Variants in OXCT1 observed in about 807,000 individuals in gnomAD.
OXCT1 encodes succinyl-CoA:3-ketoacid coenzyme A transferase 1, mitochondrial.
Under a neutral mutation model 69.6 loss-of-function variants are expected in OXCT1, and 27 were observed. The observed-to-expected ratio is 0.39, with a 90% CI of 0.29 to 0.54. The LOEUF is 0.54. Among genes scored for constraint, OXCT1 ranks in the 20% least tolerant of loss-of-function variants. The probability of loss-of-function intolerance (pLI) is 0.72; values close to 1 mark genes in which losing one functional copy is unlikely to be tolerated. For missense variants in OXCT1, 437 were observed against 650.2 expected (o/e 0.67, Z 3.57); for synonymous variants, 202 against 217.8 (o/e 0.93, Z 0.64).
intron 7 of OXCT1, among the ~76,000 whole-genome samples, chr5:41,826,149 G>GT (rs1397973174): frequency 6.6e-6 from 1 of 152,166 alleles, no homozygotes; most frequent in African/African-American, 2.4e-5. Flanking sequence ...TTTGCTTGAT[G>GT]TAAGGTATCA....
At chr5:41,742,640 A>T (rs1367778685) in intron 15 of OXCT1, among the ~76,000 whole-genome samples, 1 of 86,314 alleles carries the variant, frequency 1.2e-5, no homozygotes, top group African/African-American at 4.5e-5. Flanking sequence ...CCTGCCCCCC[A>T]CCCCACAACA....
intron 16 of OXCT1, among the ~76,000 whole-genome samples, chr5:41,738,387 T>C (rs1742995128): frequency 6.6e-6 from 1 of 152,162 alleles, no homozygotes; most frequent in South Asian, 2.1e-4. Flanking sequence ...GGGGTGGGTT[T>C]TTCACATGCT....
intron 6 of OXCT1, among the ~76,000 whole-genome samples, chr5:41,841,301 T>C (rs546985513): frequency 1.6e-4 from 25 of 152,266 alleles, no homozygotes; most frequent in African/African-American, 5.1e-4. Flanking sequence ...TTTGCTCAGA[T>C]TGAAGAATGA....
At chr5:41,792,889 A>G (rs1200953635) in intron 13 of OXCT1, among the ~76,000 whole-genome samples, 2 of 152,234 alleles carry the variant, frequency 1.3e-5, no homozygotes, top group African/African-American at 4.8e-5. Context: ...TGTCCAGGCT[A>G]CATCCCAGAT....
intron 7 of OXCT1, among the ~76,000 whole-genome samples, chr5:41,823,489 G>C (rs1003072039): frequency 6.6e-6 from 1 of 152,146 alleles, no homozygotes; most frequent in Non-Finnish European, 1.5e-5. Context: ...TGGTTCCCAT[G>C]GAGATTTCTG....
rs1188763654 is a variant in OXCT1, at chr5:41,842,779, C to T, written c.567G>A (p.Val189=). The change falls in exon 6 of 17, where the codon GTG becomes GTA. Residue 189 remains valine (V), a splice_region_variant and synonymous_variant. Transcript: ENST00000196371. ...SVAIASKPRE[V]REFNGQHFIL... ...TAAAGTGCTGACCATTGAACTCCCT[C>T]ACCTGCAGAAGAGGGAGAAGGCATC... The T allele has an allele frequency of 6.2e-7, 1 of 1,604,558 alleles. No individual in the cohort carries two copies. The highest frequency in any genetic ancestry group is 1.3e-5 in the African/African-American group (1 of 74,836).
chr5:41,832,324 G>A (rs1048913955), intron 7 of OXCT1, among the ~76,000 whole-genome samples: 7 of 147,848 alleles, frequency 4.7e-5, no homozygotes, highest in Admixed American at 1.4e-4. Flanking sequence ...AGTTCCAGGC[G>A]GTTCAGCACA....
intron 3 of OXCT1, among the ~76,000 whole-genome samples, chr5:41,855,522 T>C (rs1749388765): frequency 6.6e-6 from 1 of 152,158 alleles, no homozygotes; most frequent in South Asian, 2.1e-4. Context: ...CCCTCCTAAT[T>C]CCTTTAGTGC....
chr5:41,765,606 A>G (rs935465795), intron 13 of OXCT1, among the ~76,000 whole-genome samples: 2 of 152,162 alleles, frequency 1.3e-5, no homozygotes, highest in Non-Finnish European at 2.9e-5. Flanking sequence ...TGCACAACAG[A>G]AGGGGATCTG....
Position 41,749,614 on chromosome 5 carries a change from TA to T in OXCT1, c.1339-8del. On this transcript the variant is annotated splice_region_variant and splice_polypyrimidine_tract_variant and intron_variant, in intron 14 of 16. Transcript: ENST00000196371. ...TGATTTTATGTGCATTTCCCTGTTT[TA>T]AAAAGAAAACATCAAAAAGAGTAGT... is the stretch of plus-strand genomic sequence containing the variant. 1 of 1,587,168 alleles carries T rather than the reference TA, an allele frequency of 6.3e-7. No homozygotes were observed.
Position 41,805,553 on chromosome 5 carries a change from A to T in OXCT1, c.955+14T>A, listed in dbSNP as rs1190154712. The T allele has an allele frequency of 6.4e-7, 1 of 1,566,214 alleles. No individual in the cohort carries two copies. Among genetic ancestry groups the T allele is most frequent in the Non-Finnish European group, 8.8e-7 (1 of 1,136,818 alleles). On this transcript the variant is annotated intron_variant, in intron 9 of 16. Transcript: ENST00000196371. ...GGCTATGTCTTTGCCCGGGCTCAGAAGGATAAAGGATACCATACATGCCAT... is the reference window on the plus strand; with the variant it reads ...GGCTATGTCTTTGCCCGGGCTCAGATGGATAAAGGATACCATACATGCCAT...
At chr5:41,848,800 C>T (rs1325514064) in intron 5 of OXCT1, among the ~76,000 whole-genome samples, 4 of 152,074 alleles carry the variant, frequency 2.6e-5, no homozygotes, top group Non-Finnish European at 5.9e-5. Context: ...GGATTAAAGA[C>T]TTAAACGTTA....
At chr5:41,800,940 A>G in intron 11 of OXCT1, 82 bp downstream of exon 11, 3 of 1,218,328 alleles carry the variant, frequency 2.5e-6, no homozygotes, top group Non-Finnish European at 3.7e-6. Context: ...TCTCCAGGAA[A>G]AGACAAAGAA....
intron 3 of OXCT1, 72 bp from the exon 4 acceptor site, chr5:41,853,626 A>G (rs754760805): frequency 1.3e-6 from 2 of 1,488,066 alleles, no homozygotes; most frequent in South Asian, 1.2e-5. Context: ...TAAAGAGATA[A>G]AACTTTGTTA....
At chr5:41,844,913 T>C (rs2112418105) in intron 5 of OXCT1, among the ~76,000 whole-genome samples, 1 of 142,880 alleles carries the variant, frequency 7.0e-6, no homozygotes, top group East Asian at 2.0e-4. Flanking sequence ...CTAAACCCTC[T>C]CTCGCTGCTT....
At chr5:41,789,457 C>A (rs143501482) in intron 13 of OXCT1, among the ~76,000 whole-genome samples, 39 of 152,224 alleles carry the variant, frequency 2.6e-4, no homozygotes, top group Admixed American at 1.4e-3. Context: ...TATGCCAGAT[C>A]AATACATGTT....
At chr5:41,741,999 CT>C (rs1170126848) in intron 15 of OXCT1, among the ~76,000 whole-genome samples, 1 of 152,014 alleles carries the variant, frequency 6.6e-6, no homozygotes, top group East Asian at 1.9e-4. Context: ...TTCTGAACAA[CT>C]GTCAATTTAT....
At chr5:41,798,612 G>C (rs866408225) in intron 11 of OXCT1, among the ~76,000 whole-genome samples, 38 of 152,216 alleles carry the variant, frequency 2.5e-4, no homozygotes, top group Admixed American at 1.3e-3. Context: ...TATTAAACAT[G>C]GTTATTCTTT....
chr5:41,766,878 A>G (rs1471793712), intron 13 of OXCT1, among the ~76,000 whole-genome samples: 2 of 152,180 alleles, frequency 1.3e-5, no homozygotes, highest in Admixed American at 1.3e-4. Context: ...CATAGTAGAA[A>G]GTGTGAATCT....
Sources: gnomAD v4.1 joint callset for allele counts (sites outside exome capture counted in the v4.1 genomes callset) on GRCh38, gnomAD v4.1.1 for gene constraint, MANE v1.5 for transcripts, NCBI Gene and HGNC (gene_info 2026-07-23, HGNC 2026-07-21) for gene names.